LMO7: variants seen among roughly 807,000 people sequenced by gnomAD.
LMO7 encodes LIM domain 7.
In LMO7, 120 loss-of-function variants were observed where a neutral mutation model predicts 206.5. The observed-to-expected ratio is 0.58, with a 90% confidence interval of 0.50 to 0.68. The LOEUF is 0.68. Ranked by LOEUF, LMO7 falls within the 30% of genes least tolerant of loss-of-function variation. LMO7 has a pLI of 0.00. For synonymous variants in LMO7, 706 were observed against 681.5 expected (o/e 1.04, Z -0.56); for missense variants, 1,959 against 1,957.9 (o/e 1.00, Z -0.01).
At chr13:75,813,217 T>C (rs1344962832) in intron 11 of LMO7, among the ~76,000 whole-genome samples, 1 of 152,226 alleles carries the variant, frequency 6.6e-6, no homozygotes, top group Non-Finnish European at 1.5e-5. Flanking sequence ...CTTCCTCTAC[T>C]ACAAAAGTTC....
At chr13:75,767,816 C>A (rs187006356) in intron 4 of LMO7, among the ~76,000 whole-genome samples, 48 of 152,188 alleles carry the variant, frequency 3.2e-4, no homozygotes, top group African/African-American at 1.1e-3. Context: ...TGGGTTTAAT[C>A]TTATCATATC....
At chr13:75,665,706 T>C (rs1180505518) in intron 1 of LMO7, among the ~76,000 whole-genome samples, 6 of 152,176 alleles carry the variant, frequency 3.9e-5, no homozygotes, top group Admixed American at 3.3e-4. Flanking sequence ...TTTGTACTTT[T>C]AGTAGAGACA....
At chr13:75,792,113 C>G (rs1173461216) in intron 4 of LMO7, among the ~76,000 whole-genome samples, 1 of 152,068 alleles carries the variant, frequency 6.6e-6, no homozygotes, top group Non-Finnish European at 1.5e-5. Context: ...GAACTATAAG[C>G]ATGTGCTACT....
chr13:75,764,429 C>A (rs1007708684), intron 4 of LMO7, among the ~76,000 whole-genome samples: 1 of 152,038 alleles, frequency 6.6e-6, no homozygotes, highest in Admixed American at 6.6e-5. Flanking sequence ...CATAATGGCC[C>A]CACCAGCCTG....
In LMO7 at chr13:75,804,419, C is replaced by T. The variant is rs2055172603; in HGVS notation, c.792C>T (p.Asn264=). Residue 264 remains asparagine, a synonymous_variant, in exon 8 of 31, where the codon AAC becomes AAT. Coordinates refer to ENST00000377534, the MANE Select transcript of LMO7 (RefSeq NM_001306080.2). ...TACCCTTCAATCGTTTTTTACCCAA[C>T]AAAAGTAGACAGCCATCCTATGTAC... The part of the protein sequence containing the change: ...TALPFNRFLP[N]KSRQPSYVPA... 6.2e-7 allele frequency: 1 copy of T among 1,614,142 alleles called. No homozygotes were observed. The highest frequency in any genetic ancestry group is 8.5e-7 in the Non-Finnish European group (1 of 1,180,000).
intron 1 of LMO7, among the ~76,000 whole-genome samples, chr13:75,643,564 G>A (rs1471796799): frequency 6.6e-6 from 1 of 152,184 alleles, no homozygotes; most frequent in Non-Finnish European, 1.5e-5. Flanking sequence ...TATCAAAAAT[G>A]TGTTAGAGCC....
At chr13:75,738,578 T>C (rs971507910) in intron 3 of LMO7, among the ~76,000 whole-genome samples, 4 of 152,220 alleles carry the variant, frequency 2.6e-5, no homozygotes, top group African/African-American at 9.7e-5. Context: ...CTTCTTTCTG[T>C]TCTTCACAAA....
intron 9 of LMO7, chr13:75,807,165 G>A: frequency 3.7e-6 from 1 of 271,006 alleles, no homozygotes; most frequent in Non-Finnish European, 7.1e-6. Flanking sequence ...GTACCAGGGA[G>A]TGGCTTTTGT....
intron 1 of LMO7, among the ~76,000 whole-genome samples, chr13:75,693,221 C>T (rs1189193177): frequency 6.6e-6 from 1 of 152,188 alleles, no homozygotes; most frequent in African/African-American, 2.4e-5. Flanking sequence ...ATGATATAAT[C>T]CATCATCCTT....
At chr13:75,710,234 A>T (rs551227416) in intron 1 of LMO7, among the ~76,000 whole-genome samples, 1 of 152,318 alleles carries the variant, frequency 6.6e-6, no homozygotes, top group Non-Finnish European at 1.5e-5. Context: ...AGGTAGCGTG[A>T]TACCTCCAGC....
chr13:75,841,311 C>A, intron 23 of LMO7, 110 bp downstream of exon 23: 1 of 692,262 alleles, frequency 1.4e-6, no homozygotes, highest in South Asian at 2.1e-5. Flanking sequence ...ATATGTTCAC[C>A]TGTGTAGCTC....
upstream of LMO7, among the ~76,000 whole-genome samples, chr13:75,633,304 G>C (rs1032840045): frequency 5.3e-5 from 8 of 152,190 alleles, no homozygotes; most frequent in African/African-American, 1.9e-4. Flanking sequence ...CTCCCTTTCA[G>C]CAGGAACAGT....
chr13:75,841,062 G>T, intron 22 of LMO7, 47 bp from the exon 23 acceptor site: 1 of 1,182,164 alleles, frequency 8.5e-7, no homozygotes, highest in Non-Finnish European at 1.2e-6. Context: ...GATTCCTAAT[G>T]TGAAGAGTTA....
intron 27 of LMO7, among the ~76,000 whole-genome samples, chr13:75,849,991 G>A (rs2060353634): frequency 6.6e-6 from 1 of 152,108 alleles, no homozygotes. Context: ...ATAGATGTGT[G>A]CCTGTAATCC....
At chr13:75,719,416 A>G (rs555176923) in intron 2 of LMO7, among the ~76,000 whole-genome samples, 1 of 152,328 alleles carries the variant, frequency 6.6e-6, no homozygotes, top group South Asian at 2.1e-4. Context: ...ATGAACATCC[A>G]TGATATGGTT....
intron 3 of LMO7, among the ~76,000 whole-genome samples, chr13:75,749,529 C>A (rs1023982439): frequency 6.6e-6 from 1 of 152,120 alleles, no homozygotes; most frequent in African/African-American, 2.4e-5. Context: ...TTAATTGTAA[C>A]CCGAGTGGAT....
intron 7 of LMO7, among the ~76,000 whole-genome samples, chr13:75,801,877 A>G (rs950820533): frequency 6.6e-6 from 1 of 152,210 alleles, no homozygotes; most frequent in Non-Finnish European, 1.5e-5. Context: ...AAATAATTGT[A>G]CAGCGAACAC....
At chr13:75,845,280 A>T (rs748486420) in intron 25 of LMO7, 47 bp from the exon 26 acceptor site, 2 of 858,254 alleles carry the variant, frequency 2.3e-6, no homozygotes, top group Non-Finnish European at 3.5e-6. Flanking sequence ...AATATAAAGG[A>T]GGTTATTTAA....
intron 2 of LMO7, among the ~76,000 whole-genome samples, chr13:75,722,851 C>T (rs550656850): frequency 5.9e-5 from 9 of 151,826 alleles, no homozygotes; most frequent in East Asian, 1.9e-4. Flanking sequence ...TAAAAAGGAA[C>T]GAAATGGCAT....
Sources: gnomAD v4.1 joint callset for allele counts (sites outside exome capture counted in the v4.1 genomes callset) on GRCh38, gnomAD v4.1.1 for gene constraint, MANE v1.5 for transcripts, NCBI Gene and HGNC (gene_info 2026-07-23, HGNC 2026-07-21) for gene names.